Variants in CCDC91 observed in about 807,000 individuals in gnomAD.
The protein encoded by CCDC91 is coiled-coil domain-containing protein 91.
Under a neutral mutation model 63.2 loss-of-function variants are expected in CCDC91, and 48 were observed. The observed-to-expected ratio is 0.76, with a 90% CI of 0.60 to 0.97. The LOEUF (loss-of-function observed/expected upper bound fraction) is 0.97, where lower values mean the gene tolerates loss of function less well. CCDC91 is among the 50% of genes least tolerant of loss of function. The probability of loss-of-function intolerance (pLI) is 0.00; values close to 1 mark genes in which losing one functional copy is unlikely to be tolerated. For missense variants in CCDC91, 500 were observed against 494.6 expected, an observed-to-expected ratio of 1.01 and a Z score of -0.10; for synonymous variants, 167 against 165.8, an observed-to-expected ratio of 1.01 and a Z score of -0.06.
chr12:28,353,538 T>C (rs76048608), intron 6 of CCDC91, among the ~76,000 whole-genome samples: 1 of 152,300 alleles, frequency 6.6e-6, no homozygotes, highest in East Asian at 1.9e-4. Flanking sequence ...CATTTGAACA[T>C]TTAGCTGTTA....
rs373172713 is a variant in CCDC91, at chr12:28,326,449, T to C, written c.576+18700T>C. ...AGTTTTAGGGTACATGTGCACAATG[T>C]GCAAGTTAGTTACATATGTATACAT... On this transcript the variant is annotated intron_variant, in intron 6 of 12. Transcript: ENST00000536442. 4.6e-5 allele frequency among the ~76,000 whole-genome samples: 7 copies of C among 151,582 alleles called. No individual in the cohort carries two copies. In the South Asian group the frequency reaches 8.3e-4, roughly 18 times the overall value.
intron 8 of CCDC91, among the ~76,000 whole-genome samples, chr12:28,393,887 TA>T (rs774672143): frequency 2.0e-5 from 3 of 152,164 alleles, no homozygotes; most frequent in African/African-American, 4.8e-5. Context: ...AGTTACAGAT[TA>T]AAAGATTAAC....
chr12:28,314,843 A>G (rs1387428978), intron 6 of CCDC91, among the ~76,000 whole-genome samples: 1 of 151,960 alleles, frequency 6.6e-6, no homozygotes, highest in African/African-American at 2.4e-5. Flanking sequence ...TAGGAATCCC[A>G]TCCTCTTCAT....
chr12:28,455,327 G>A (rs1274340385), intron 11 of CCDC91, among the ~76,000 whole-genome samples: 1 of 152,062 alleles, frequency 6.6e-6, no homozygotes, highest in Admixed American at 6.6e-5. Flanking sequence ...TTTGTATAAA[G>A]TCCCATGAGC....
intron 1 of CCDC91, among the ~76,000 whole-genome samples, chr12:28,196,551 C>A (rs772561495): frequency 6.6e-6 from 1 of 152,188 alleles, no homozygotes; most frequent in Non-Finnish European, 1.5e-5. Context: ...AGAAGGTATA[C>A]AGTCTTTTAC....
At chr12:28,536,868 T>C (rs1267202432) in intron 12 of CCDC91, among the ~76,000 whole-genome samples, 2 of 152,162 alleles carry the variant, frequency 1.3e-5, no homozygotes, top group Non-Finnish European at 2.9e-5. Context: ...CTTAAAACAA[T>C]ATGTACTGTT....
At chr12:28,287,685 G>A (rs1410221072) in intron 3 of CCDC91, among the ~76,000 whole-genome samples, 1 of 151,984 alleles carries the variant, frequency 6.6e-6, no homozygotes, top group Non-Finnish European at 1.5e-5. Context: ...GATTGCTTTG[G>A]CTATTTTTTG....
At chr12:28,209,282 A>G (rs1202502324) in intron 1 of CCDC91, among the ~76,000 whole-genome samples, 2 of 152,122 alleles carry the variant, frequency 1.3e-5, no homozygotes, top group Non-Finnish European at 1.5e-5. Flanking sequence ...ACCTTTTACA[A>G]TTTTTGTGAA....
chr12:28,234,078 T>C (rs1229559530), intron 1 of CCDC91, among the ~76,000 whole-genome samples: 1 of 152,038 alleles, frequency 6.6e-6, no homozygotes, highest in East Asian at 1.9e-4. Flanking sequence ...TTAAAAAGCA[T>C]TTTTCAAAAA....
At chr12:28,521,037 A>G (rs969663799) in intron 12 of CCDC91, among the ~76,000 whole-genome samples, 6 of 152,142 alleles carry the variant, frequency 3.9e-5, no homozygotes, top group African/African-American at 1.4e-4. Flanking sequence ...TTGGCTTAGG[A>G]TTGACTTGGC....
chr12:28,407,973 A>T (rs1257742), intron 8 of CCDC91, among the ~76,000 whole-genome samples: 9,161 of 127,148 alleles, frequency 0.072, 767 homozygotes, highest in East Asian at 0.46. Flanking sequence ...TATTTTTTTT[A>T]TTTTTTATTT....
intron 11 of CCDC91, among the ~76,000 whole-genome samples, chr12:28,456,114 T>C (rs948634222): frequency 2.6e-5 from 4 of 152,154 alleles, no homozygotes; most frequent in Admixed American, 6.6e-5. Flanking sequence ...ATAAGTTCTA[T>C]AGGCAAAACT....
At chr12:28,292,416 A>G (rs1340368229) in intron 3 of CCDC91, among the ~76,000 whole-genome samples, 1 of 152,168 alleles carries the variant, frequency 6.6e-6, no homozygotes. Flanking sequence ...GGCATATAAA[A>G]TTTCTTGGAG....
At chr12:28,228,274 T>G (rs1944392988) in intron 1 of CCDC91, among the ~76,000 whole-genome samples, 1 of 152,116 alleles carries the variant, frequency 6.6e-6, no homozygotes, top group Non-Finnish European at 1.5e-5. Flanking sequence ...TTTTACTTAT[T>G]CATAGTATTT....
intron 12 of CCDC91, among the ~76,000 whole-genome samples, chr12:28,530,522 T>A (rs1458472553): frequency 6.6e-6 from 1 of 152,198 alleles, no homozygotes; most frequent in Non-Finnish European, 1.5e-5. Flanking sequence ...TTAGTAATTA[T>A]TTTATACCAT....
chr12:28,414,113 G>A (rs911047524), intron 8 of CCDC91, among the ~76,000 whole-genome samples: 2 of 152,100 alleles, frequency 1.3e-5, no homozygotes, highest in Non-Finnish European at 2.9e-5. Context: ...AAATTTTGGG[G>A]TTTATTTGTT....
At chr12:28,302,580 T>G in intron 3 of CCDC91, 3 of 920,540 alleles carry the variant, frequency 3.3e-6, no homozygotes, top group Non-Finnish European at 2.6e-6. Context: ...ACAGTAATAT[T>G]GTGAGGTCAC....
At chr12:28,534,842 C>G (rs1010503067) in intron 12 of CCDC91, among the ~76,000 whole-genome samples, 1 of 152,182 alleles carries the variant, frequency 6.6e-6, no homozygotes, top group African/African-American at 2.4e-5. Flanking sequence ...GTTATTCCTG[C>G]TTTCCCTCAT....
chr12:28,524,503 A>G (rs1312945112), intron 12 of CCDC91, among the ~76,000 whole-genome samples: 1 of 152,088 alleles, frequency 6.6e-6, no homozygotes, highest in African/African-American at 2.4e-5. Context: ...TCAGTTAGCT[A>G]GTATTTTGTT....
Sources: allele counts gnomAD v4.1 joint callset (sites outside exome capture counted in the v4.1 genomes callset), GRCh38; gene constraint gnomAD v4.1.1; transcripts MANE v1.5; gene names NCBI Gene and HGNC (gene_info 2026-07-23, HGNC 2026-07-21).